The following EGFLAM variants were observed in gnomAD, a reference collection of about 807,000 sequenced individuals.
EGFLAM encodes the protein pikachurin.
A neutral mutation model predicts 113.1 loss-of-function variants in EGFLAM; 79 were observed. The ratio of observed to expected loss-of-function variants is 0.70; its 90% CI spans 0.58 to 0.84. EGFLAM has a LOEUF of 0.84. EGFLAM is among the 40% of genes least tolerant of loss of function. The probability of loss-of-function intolerance (pLI) is 0.00; values close to 1 mark genes in which losing one functional copy is unlikely to be tolerated. For missense variants in EGFLAM, 1,265 were observed against 1,291.6 expected (o/e 0.98, Z 0.32); for synonymous variants, 504 against 487.6 (o/e 1.03, Z -0.44).
intron 1 of EGFLAM, among the ~76,000 whole-genome samples, chr5:38,275,487 A>G (rs754965273): frequency 2.6e-5 from 4 of 152,260 alleles, no homozygotes; most frequent in Non-Finnish European, 4.4e-5. Context: ...GTCGGTATAT[A>G]ATGATAAAGG....
chr5:38,343,406 CAAAA>C (rs61453202), intron 3 of EGFLAM, among the ~76,000 whole-genome samples: 80,405 of 130,740 alleles, frequency 0.61, 23,287 homozygotes, highest in Admixed American at 0.67. Context: ...AACTCCATCT[CAAAA>C]AAAAAAAAAA....
At chr5:38,272,701 T>C (rs78480547) in intron 1 of EGFLAM, among the ~76,000 whole-genome samples, 1,558 of 152,250 alleles carry the variant, frequency 0.01, 28 homozygotes, top group African/African-American at 0.036. Flanking sequence ...GTAAGTCCTA[T>C]TGAAAGCAAC....
rs75450072 is a variant in EGFLAM, at chr5:38,410,573, C to T, written c.1349+1469C>T. Among the ~76,000 whole-genome samples, 164 of 152,278 alleles carry T rather than the reference C, an allele frequency of 1.1e-3. No individual in the cohort carries two copies. The East Asian group carries it at 0.03, about 28-fold the overall frequency. On this transcript the variant is annotated intron_variant, in intron 10 of 21. Coordinates refer to ENST00000322350, the MANE Select transcript of EGFLAM (RefSeq NM_152403.4). Reference sequence around the variant, plus strand: ...ATGCCGGCTACGACTCCTTCCCCACCGGCAGTCTCAGGATCCATGTGGAAG... The same window carrying T: ...ATGCCGGCTACGACTCCTTCCCCACTGGCAGTCTCAGGATCCATGTGGAAG...
intron 1 of EGFLAM, among the ~76,000 whole-genome samples, chr5:38,270,490 G>GA (rs11375351): frequency 0.2 from 23,419 of 119,286 alleles, 2,261 homozygotes; most frequent in African/African-American, 0.3. Context: ...CATTAGTTTG[G>GA]AAAAAAAAAA....
rs553523152 is a variant in EGFLAM, at chr5:38,413,835, T to A, written c.1494+1187T>A. Among the ~76,000 whole-genome samples, 91 of 152,250 alleles carry A rather than the reference T, an allele frequency of 6.0e-4. 1 individual carries two copies. The highest frequency in any genetic ancestry group is 2.2e-3 in the African/African-American group (90 of 41,552). On this transcript the variant is annotated intron_variant, in intron 11 of 21. Coordinates refer to ENST00000322350, the MANE Select transcript of EGFLAM (RefSeq NM_152403.4). The stretch of plus-strand genomic sequence containing the variant: ...TCCACGGACCAAAGTTGGGGGATGG[T>A]TTCGGGATAAACTGTTCCATCTCAG...
At chr5:38,400,657 G>T (rs552017570) in intron 6 of EGFLAM, among the ~76,000 whole-genome samples, 3 of 152,232 alleles carry the variant, frequency 2.0e-5, no homozygotes, top group Admixed American at 6.5e-5. Flanking sequence ...TGCTGTGACT[G>T]GTTCTCTCTG....
intron 1 of EGFLAM, among the ~76,000 whole-genome samples, chr5:38,300,905 A>T (rs1561269231): frequency 6.6e-6 from 1 of 152,198 alleles, no homozygotes; most frequent in Non-Finnish European, 1.5e-5. Context: ...GTAAAAGAGG[A>T]AGGAGCAGAG....
At chr5:38,415,820 C>A (rs1369149093) in intron 11 of EGFLAM, among the ~76,000 whole-genome samples, 1 of 152,262 alleles carries the variant, frequency 6.6e-6, no homozygotes, top group Non-Finnish European at 1.5e-5. Context: ...GAAGGGGAAG[C>A]AAACACGTCC....
chr5:38,356,774 G>A lies in EGFLAM; in HGVS notation c.545+4443G>A, dbSNP rs73075410. The stretch of plus-strand genomic sequence containing the variant: ...TCAATCCATTTGTAAACATCTCAGA[G>A]CCTATCCCATTATAGGTGAGTGAAT... On this transcript the variant is annotated intron_variant, in intron 5 of 21. Transcript: ENST00000322350. Among the ~76,000 whole-genome samples, 958 of 152,290 alleles carry A rather than the reference G, an allele frequency of 6.3e-3. 11 individuals are homozygous for A. Among genetic ancestry groups the A allele is most frequent in the African/African-American group, 0.022 (920 of 41,558 alleles).
intron 3 of EGFLAM, among the ~76,000 whole-genome samples, chr5:38,346,253 C>G (rs28463881): frequency 0.019 from 2,840 of 152,236 alleles, 98 homozygotes; most frequent in African/African-American, 0.066. Flanking sequence ...CGTTAACTTC[C>G]ATGGTCGTAA....
intron 15 of EGFLAM, among the ~76,000 whole-genome samples, chr5:38,433,208 T>G (rs1188265780): frequency 6.6e-6 from 1 of 152,136 alleles, no homozygotes; most frequent in Admixed American, 6.5e-5. Flanking sequence ...AGAGTACACT[T>G]TGAGGGGCTA....
In EGFLAM at chr5:38,427,078, A is replaced by C. The variant is rs1440625540; in HGVS notation, c.1880A>C (p.Glu627Ala). 1 of 1,614,070 alleles carries C rather than the reference A, an allele frequency of 6.2e-7. No homozygotes were observed. The highest frequency in any genetic ancestry group is 2.2e-5 in the East Asian group (1 of 44,872). ...RSYAATPWPLEPQHYLSFMEF... is the reference protein window; with the variant it reads ...RSYAATPWPLAPQHYLSFMEF... ...TACGCTGCAACTCCCTGGCCACTGGAGCCCCAGCATTACCTTTCCTTCATG... is the reference window on the plus strand; with the variant it reads ...TACGCTGCAACTCCCTGGCCACTGGCGCCCCAGCATTACCTTTCCTTCATG... Residue 627 changes from glutamate to alanine, a missense_variant, in exon 14 of 22, where the codon GAG becomes GCG. Physicochemically the swap from Glu to Ala is moderately radical, Grantham distance 107 (BLOSUM62 -1). Transcript: ENST00000322350.
chr5:38,461,334 A>G (rs1743265251), intron 20 of EGFLAM: 1 of 152,250 alleles, frequency 6.6e-6, no homozygotes. Context: ...GCAACAGACA[A>G]TAAGTAATAA....
At chr5:38,320,874 G>T (rs1738720805) in intron 1 of EGFLAM, among the ~76,000 whole-genome samples, 1 of 152,094 alleles carries the variant, frequency 6.6e-6, no homozygotes, top group Admixed American at 6.5e-5. Context: ...TGGGCCTGGA[G>T]CATGACCACA....
intron 1 of EGFLAM, among the ~76,000 whole-genome samples, chr5:38,323,083 C>T (rs1344658170): frequency 6.6e-6 from 1 of 152,182 alleles, no homozygotes; most frequent in Non-Finnish European, 1.5e-5. Context: ...AATTTTCTGA[C>T]TATTTTTAGT....
rs180794821 is a variant in EGFLAM, at chr5:38,313,687, T to C, written c.98-23833T>C. ...TACCATTTAAAAAAACTTGTCTCGA[T>C]TTATTAGCAATGGCCCTCAGGGTTG... On this transcript the variant is annotated intron_variant, in intron 1 of 21. Coordinates refer to ENST00000322350, the MANE Select transcript of EGFLAM (RefSeq NM_152403.4). Among the ~76,000 whole-genome samples the C allele has an allele frequency of 1.3e-4, 20 of 152,336 alleles. No homozygotes were observed. The East Asian group carries it at 3.5e-3, about 26-fold the overall frequency.
At chr5:38,338,981 A>G (rs1332817788) in intron 3 of EGFLAM, among the ~76,000 whole-genome samples, 200 bp downstream of exon 3, 1 of 152,228 alleles carries the variant, frequency 6.6e-6, no homozygotes, top group East Asian at 1.9e-4. Context: ...GCATCTGACG[A>G]AAGAGTCCTG....
At chr5:38,457,709 G>A (rs937160271) in intron 19 of EGFLAM, among the ~76,000 whole-genome samples, 7 of 152,134 alleles carry the variant, frequency 4.6e-5, no homozygotes, top group Admixed American at 3.9e-4. Context: ...GACCATCATC[G>A]TAACATAGTA....
At chr5:38,432,328 T>A (rs1579923638) in intron 15 of EGFLAM, among the ~76,000 whole-genome samples, 2 of 152,136 alleles carry the variant, frequency 1.3e-5, no homozygotes, top group East Asian at 3.9e-4. Flanking sequence ...GGGACACATG[T>A]GTCCAGAAGC....
Sources: allele counts gnomAD v4.1 joint callset (sites outside exome capture counted in the v4.1 genomes callset), GRCh38; gene constraint gnomAD v4.1.1; transcripts MANE v1.5; gene names NCBI Gene and HGNC (gene_info 2026-07-23, HGNC 2026-07-21).